The following PIEZO2 variants were observed in gnomAD, a reference collection of about 807,000 sequenced individuals.
PIEZO2 encodes piezo type mechanosensitive ion channel component 2.
A neutral mutation model predicts 337.3 loss-of-function variants in PIEZO2; 172 were observed. The observed-to-expected ratio is 0.51, with a 90% CI of 0.45 to 0.58. PIEZO2 has a LOEUF of 0.58. PIEZO2 is among the 20% of genes least tolerant of loss of function. PIEZO2 has a pLI of 0.00. For synonymous variants in PIEZO2, 1,251 were observed against 1,228.5 expected, an observed-to-expected ratio of 1.02 and a Z score of -0.38; for missense variants, 3,028 against 3,391.3, an observed-to-expected ratio of 0.89 and a Z score of 2.66.
chr18:10,967,592 G>A (rs2034063925), intron 3 of PIEZO2, among the ~76,000 whole-genome samples: 1 of 152,136 alleles, frequency 6.6e-6, no homozygotes, highest in East Asian at 1.9e-4. Flanking sequence ...TTCCTTTTTA[G>A]CACATCCATG....
At chr18:11,142,778 C>CAAAAAAAA (rs11290889) in intron 1 of PIEZO2, among the ~76,000 whole-genome samples, 3 of 116,170 alleles carry the variant, frequency 2.6e-5, no homozygotes, top group Non-Finnish European at 3.5e-5. Context: ...GAGATTATCG[C>CAAAAAAAA]AAAAAAAAAA....
rs2041631602 is a variant in PIEZO2, at chr18:10,854,044, T to C, written c.917+1309A>G. Among the ~76,000 whole-genome samples the C allele has an allele frequency of 6.6e-6, 1 of 152,214 alleles. No homozygotes were observed. Among genetic ancestry groups the C allele is most frequent in the Non-Finnish European group, 1.5e-5 (1 of 68,026 alleles). Reference sequence around the variant, plus strand: ...CTAGACAGTTGCTGCCTCCACTCTCTATGCAGGCCTCTTTTCCATGCTGAT... The same window carrying C: ...CTAGACAGTTGCTGCCTCCACTCTCCATGCAGGCCTCTTTTCCATGCTGAT... On this transcript the variant is annotated intron_variant, in intron 7 of 55. Coordinates refer to ENST00000674853, the MANE Select transcript of PIEZO2 (RefSeq NM_001378183.1). This position sits in a 1 kb window ranked among gnomAD's most constrained non-coding sequence, Gnocchi z 4.6.
At chr18:11,075,927 C>A (rs983500190) in intron 1 of PIEZO2, among the ~76,000 whole-genome samples, 1 of 151,682 alleles carries the variant, frequency 6.6e-6, no homozygotes, top group Non-Finnish European at 1.5e-5. Context: ...TTAGCTGGGA[C>A]TACAGGTGCC....
At chr18:11,089,314 AC>A (rs2039000092) in intron 1 of PIEZO2, among the ~76,000 whole-genome samples, 1 of 152,122 alleles carries the variant, frequency 6.6e-6, no homozygotes, top group Non-Finnish European at 1.5e-5. Flanking sequence ...AAGACTTAAA[AC>A]CTGTTGCTGA....
chr18:10,696,278 G>C lies in PIEZO2; in HGVS notation c.6986C>G (p.Ala2329Gly). ...FGFWAFGKHSAAADITSSLSE... is the reference protein window; with the variant it reads ...FGFWAFGKHSGAADITSSLSE... ...CAGTGAAGAGGTGATGTCTGCAGCT[G>C]CTGAGTGTTTCTGGGGAAGAGACAA... The change falls in exon 47 of 56, where the codon GCA becomes GGA. Residue 2329 changes from alanine to glycine, a missense_variant. Physicochemically the swap from Ala to Gly is moderately conservative, Grantham distance 60. Coordinates refer to ENST00000674853, the MANE Select transcript of PIEZO2 (RefSeq NM_001378183.1). 6.2e-7 allele frequency: 1 copy of C among 1,614,170 alleles called. No individual in the cohort carries two copies. The highest frequency in any genetic ancestry group is 8.5e-7 in the Non-Finnish European group (1 of 1,180,004).
Position 10,837,941 on chromosome 18 carries a change from G to A in PIEZO2, c.917+17412C>T, listed in dbSNP as rs556338179. Among the ~76,000 whole-genome samples the A allele has an allele frequency of 1.5e-3, 229 of 152,096 alleles. 1 individual carries two copies. The highest frequency in any genetic ancestry group is 5.2e-3 in the African/African-American group (215 of 41,486). ...TAATTTTTGTATTTTTAGTAGAGAC[G>A]GGGTTTCGTCATGTTGGCCAGGCTG... On this transcript the variant is annotated intron_variant, in intron 7 of 55. Transcript: ENST00000674853. This position sits in a 1 kb window ranked among gnomAD's most constrained non-coding sequence, Gnocchi z 4.4.
chr18:11,102,156 G>A lies in PIEZO2; in HGVS notation c.65-35934C>T, dbSNP rs76016307. 0.014 allele frequency among the ~76,000 whole-genome samples: 2,142 copies of A among 152,204 alleles called. 49 individuals are homozygous for A. The highest frequency in any genetic ancestry group is 0.048 in the African/African-American group (2,003 of 41,522). ...GACTGACCGTCTACCATGGTCCCTGGTTGAACAAACACAAATTGTGGGGTG... is the reference window on the plus strand; with the variant it reads ...GACTGACCGTCTACCATGGTCCCTGATTGAACAAACACAAATTGTGGGGTG... On this transcript the variant is annotated intron_variant, in intron 1 of 55. Coordinates refer to ENST00000674853, the MANE Select transcript of PIEZO2 (RefSeq NM_001378183.1). This position sits in a 1 kb window ranked among gnomAD's most constrained non-coding sequence, Gnocchi z 5.7.
chr18:11,079,481 G>T (rs559687585), intron 1 of PIEZO2, among the ~76,000 whole-genome samples: 1 of 152,134 alleles, frequency 6.6e-6, no homozygotes, highest in Non-Finnish European at 1.5e-5. Flanking sequence ...CCTTTTAAAT[G>T]CACCTCCAAT....
chr18:10,718,053 G>A, intron 37 of PIEZO2, 147 bp downstream of exon 37: 1 of 700,710 alleles, frequency 1.4e-6, no homozygotes, highest in South Asian at 1.9e-5. Context: ...CAGTGGAGAT[G>A]AGATTCCAAG....
Position 10,988,595 on chromosome 18 carries a change from A to T in PIEZO2, c.161-8935T>A, listed in dbSNP as rs1016706779. On this transcript the variant is annotated intron_variant, in intron 2 of 55. Coordinates refer to ENST00000674853, the MANE Select transcript of PIEZO2 (RefSeq NM_001378183.1). This position sits in a 1 kb window ranked among gnomAD's most constrained non-coding sequence, Gnocchi z 4.8. ...CACTTCTGGGTATACATTCAAAATA[A>T]CTGAAATCAGGATGTCAAAAACCTA... 6.6e-6 allele frequency among the ~76,000 whole-genome samples: 1 copy of T among 152,154 alleles called. No homozygotes were observed. Among genetic ancestry groups the T allele is most frequent in the Non-Finnish European group, 1.5e-5 (1 of 68,032 alleles).
At chr18:11,119,497 T>C (rs1357027860) in intron 1 of PIEZO2, among the ~76,000 whole-genome samples, 1 of 152,224 alleles carries the variant, frequency 6.6e-6, no homozygotes, top group African/African-American at 2.4e-5. Context: ...ACATCATCAA[T>C]TGATAACTGC....
chr18:10,778,544 G>A (rs2038869712), intron 18 of PIEZO2, among the ~76,000 whole-genome samples: 1 of 152,082 alleles, frequency 6.6e-6, no homozygotes, highest in African/African-American at 2.4e-5. Flanking sequence ...GTGTTAGCCA[G>A]GATGGTCTCG....
In PIEZO2 at chr18:10,773,749, G is replaced by T. The variant is rs1598461471; in HGVS notation, c.2568-120C>A. The T allele has an allele frequency of 5.4e-6, 5 of 931,758 alleles. No homozygotes were observed. Among genetic ancestry groups the T allele is most frequent in the Admixed American group, 5.1e-5 (2 of 39,438 alleles). 57.7% of individuals were successfully genotyped at this position (931,758 alleles called of 1,614,324 possible). On this transcript the variant is annotated intron_variant, in intron 19 of 55. Coordinates refer to ENST00000674853, the MANE Select transcript of PIEZO2 (RefSeq NM_001378183.1). This position sits in a 1 kb window ranked among gnomAD's most constrained non-coding sequence, Gnocchi z 5.3. ...CAGTGCATGTACAAAGACCTCACAA[G>T]GTGGGGTGTTAGCGTTTTGTCACTT...
intron 7 of PIEZO2, among the ~76,000 whole-genome samples, chr18:10,814,319 T>C (rs115897991): frequency 2.5e-3 from 378 of 152,248 alleles, no homozygotes; most frequent in African/African-American, 8.9e-3. Context: ...AGAGTTCTAA[T>C]TCCAAGACAG....
intron 42 of PIEZO2, 51 bp downstream of exon 42, chr18:10,704,343 C>T (rs940390246): frequency 5.9e-6 from 9 of 1,523,676 alleles, no homozygotes; most frequent in Non-Finnish European, 7.9e-6. Context: ...GGTATGCTTC[C>T]CCTTGCATAG....
In PIEZO2 at chr18:10,813,870, G is replaced by C. The variant is rs9946274; in HGVS notation, c.918-6596C>G. ...GCTGCCCGATTTTACATTCCCACCA[G>C]CAGTGCACAGTCTTCCAGTTTCCCT... On this transcript the variant is annotated intron_variant, in intron 7 of 55. Transcript: ENST00000674853. This position sits in a 1 kb window ranked among gnomAD's most constrained non-coding sequence, Gnocchi z 4.2. Among the ~76,000 whole-genome samples the C allele has an allele frequency of 0.14, 21,612 of 152,036 alleles. 2,206 individuals are homozygous for C. Among genetic ancestry groups the C allele is most frequent in the African/African-American group, 0.26 (10,892 of 41,432 alleles).
intron 7 of PIEZO2, among the ~76,000 whole-genome samples, chr18:10,829,471 GA>G (rs1941748442): frequency 6.6e-6 from 1 of 152,110 alleles, no homozygotes; most frequent in African/African-American, 2.4e-5. Context: ...ATAAGAGGAA[GA>G]AATAAAAGCA....
At chr18:10,731,179 A>ATATG (rs1472458332) in intron 36 of PIEZO2, among the ~76,000 whole-genome samples, 1 of 7,678 alleles carries the variant, frequency 1.3e-4, no homozygotes, top group Non-Finnish European at 2.6e-4. Context: ...TTAAAAGATT[A>ATATG]TATATATATA....
At chr18:10,891,857 TG>T (rs1160751836) in intron 4 of PIEZO2, among the ~76,000 whole-genome samples, 6 of 152,168 alleles carry the variant, frequency 3.9e-5, no homozygotes, top group African/African-American at 1.4e-4. Flanking sequence ...ATAAAATAAA[TG>T]AAAATATAAA....
Sources: allele counts gnomAD v4.1 joint callset (sites outside exome capture counted in the v4.1 genomes callset), GRCh38; gene constraint gnomAD v4.1.1; non-coding constraint Gnocchi (gnomAD v3.1); transcripts MANE v1.5; gene names NCBI Gene and HGNC (gene_info 2026-07-23, HGNC 2026-07-21).